Variants in SH3KBP1 observed in about 807,000 individuals in gnomAD.
SH3KBP1 encodes the protein SH3 domain-containing kinase-binding protein 1.
Under a neutral mutation model 50.1 loss-of-function variants are expected in SH3KBP1, and 8 were observed. The ratio of observed to expected loss-of-function variants is 0.16; its 90% CI spans 0.09 to 0.29. The LOEUF (loss-of-function observed/expected upper bound fraction) is 0.29. Ranked by LOEUF, SH3KBP1 falls within the 10% of genes least tolerant of loss-of-function variation. SH3KBP1 has a pLI of 1.00. For missense variants in SH3KBP1, 377 were observed against 535.2 expected, an observed-to-expected ratio of 0.70 and a Z score of 2.92; for synonymous variants, 227 against 218.6, an observed-to-expected ratio of 1.04 and a Z score of -0.34.
chrX:19,631,684 C>T (rs1268226883), intron 8 of SH3KBP1, among the ~76,000 whole-genome samples, 180 bp downstream of exon 8: 5 of 112,255 alleles, frequency 4.5e-5, no homozygotes, highest in Non-Finnish European at 9.4e-5. Context: ...CTCGTCTCAA[C>T]GAATGCATTC....
chrX:19,644,223 T>C (rs182169240), intron 7 of SH3KBP1, among the ~76,000 whole-genome samples: 1 of 111,521 alleles, frequency 9.0e-6, no homozygotes, highest in Non-Finnish European at 1.9e-5. Context: ...GGAAGGGTAG[T>C]TGGGGGCTGG....
intron 2 of SH3KBP1, among the ~76,000 whole-genome samples, chrX:19,809,221 A>C (rs2067136607): frequency 8.9e-6 from 1 of 111,799 alleles, no homozygotes; most frequent in African/African-American, 3.3e-5. Flanking sequence ...AATCACTCCA[A>C]TACACCATTA....
chrX:19,845,878 G>A (rs1204354993), intron 1 of SH3KBP1, among the ~76,000 whole-genome samples: 3 of 111,313 alleles, frequency 2.7e-5, no homozygotes, highest in African/African-American at 9.8e-5. Context: ...CTAAAGTGCT[G>A]GAATTACAGG....
At chrX:19,577,445 C>G in intron 12 of SH3KBP1, among the ~76,000 whole-genome samples, 1 of 111,687 alleles carries the variant, frequency 9.0e-6, no homozygotes, top group East Asian at 2.8e-4. Context: ...TTGCCTCTCT[C>G]AGTTTAAAAG....
rs771984799 is a variant in SH3KBP1 at position 19,567,840 on chromosome X, GAGAGAATGCTAACTTATGACCTTGAT to G, written c.1384+1237_1384+1262del. On this transcript the variant is annotated intron_variant, in intron 13 of 17. Transcript: ENST00000397821. Reference sequence around the variant, plus strand: ...CAGCCTTCTATATTATGTAGAATACGAGAGAATGCTAACTTATGACCTTGATAGGTACAAACAGAAGATGTAAAGCT... The same window carrying G: ...CAGCCTTCTATATTATGTAGAATACGAGGTACAAACAGAAGATGTAAAGCT... 4.6e-5 allele frequency among the ~76,000 whole-genome samples: 5 copies of G among 109,708 alleles called. No homozygotes were observed. The South Asian group carries it at 1.9e-3, about 42-fold the overall frequency.
intron 6 of SH3KBP1, among the ~76,000 whole-genome samples, chrX:19,666,907 G>A (rs1424321285): frequency 8.9e-6 from 1 of 112,276 alleles, no homozygotes; most frequent in Non-Finnish European, 1.9e-5. Flanking sequence ...AATGTACATT[G>A]TAGCATTATT....
At chrX:19,806,106 C>A (rs748256067) in intron 2 of SH3KBP1, among the ~76,000 whole-genome samples, 2 of 111,981 alleles carry the variant, frequency 1.8e-5, no homozygotes, top group African/African-American at 6.5e-5. Context: ...GTCTCCCTCT[C>A]CAGTCATGTA....
intron 2 of SH3KBP1, among the ~76,000 whole-genome samples, chrX:19,790,650 A>T (rs943753920): frequency 1.8e-5 from 2 of 111,606 alleles, no homozygotes; most frequent in African/African-American, 6.5e-5. Context: ...TGTGAAAAAA[A>T]GTCATCTTGG....
chrX:19,667,023 G>A (rs140313361), intron 6 of SH3KBP1, among the ~76,000 whole-genome samples: 1 of 112,131 alleles, frequency 8.9e-6, no homozygotes, highest in Non-Finnish European at 1.9e-5. Context: ...CCTTAAAAAC[G>A]AAAGAAATTC....
intron 1 of SH3KBP1, among the ~76,000 whole-genome samples, chrX:19,847,420 G>A (rs932895015): frequency 3.6e-5 from 4 of 109,821 alleles, no homozygotes; most frequent in African/African-American, 1.4e-4. Flanking sequence ...TTGTCGAGGG[G>A]CAAGAAACTT....
At chrX:19,801,053 A>C (rs1316230691) in intron 2 of SH3KBP1, among the ~76,000 whole-genome samples, 2 of 111,687 alleles carry the variant, frequency 1.8e-5, no homozygotes, top group Admixed American at 1.9e-4. Context: ...CATGGAGCCC[A>C]TTTCCAGCTC....
At chrX:19,605,165 GC>G (rs764427544) in intron 9 of SH3KBP1, among the ~76,000 whole-genome samples, 39 of 107,514 alleles carry the variant, frequency 3.6e-4, no homozygotes, top group African/African-American at 9.1e-4. Context: ...TGAATTTACT[GC>G]CCCCCCCCAA....
At chrX:19,638,060 C>T (rs183356731) in intron 7 of SH3KBP1, among the ~76,000 whole-genome samples, 2 of 106,168 alleles carry the variant, frequency 1.9e-5, no homozygotes, top group East Asian at 5.9e-4. Flanking sequence ...CTAGGCGACA[C>T]AGCAAAATTC....
At chrX:19,871,635 A>G (rs1347796832) in intron 1 of SH3KBP1, among the ~76,000 whole-genome samples, 1 of 111,829 alleles carries the variant, frequency 8.9e-6, no homozygotes, top group African/African-American at 3.3e-5. Context: ...ACTTTCCACA[A>G]TCCTGTCCAT....
chrX:19,652,790 C>T, intron 6 of SH3KBP1, among the ~76,000 whole-genome samples: 1 of 111,457 alleles, frequency 9.0e-6, no homozygotes, highest in Middle Eastern at 4.6e-3. Flanking sequence ...ACATCATCAC[C>T]TCCTCTTCCT....
intron 2 of SH3KBP1, chrX:19,799,514 G>T: frequency 1.4e-6 from 1 of 692,721 alleles, no homozygotes; most frequent in South Asian, 2.2e-5. Flanking sequence ...CATCTTGGAA[G>T]GACTGGCCTG....
At chrX:19,784,508 G>C (rs2066277088) in intron 2 of SH3KBP1, among the ~76,000 whole-genome samples, 2 of 111,813 alleles carry the variant, frequency 1.8e-5, no homozygotes, top group South Asian at 7.4e-4. Context: ...TATCATTTGA[G>C]GGGCAGTGAA....
intron 11 of SH3KBP1, among the ~76,000 whole-genome samples, chrX:19,591,424 T>C (rs1321586945): frequency 1.8e-5 from 2 of 110,935 alleles, no homozygotes; most frequent in Non-Finnish European, 3.8e-5. Flanking sequence ...TCAAACGCGT[T>C]CATAAACCTG....
chrX:19,567,050 G>C lies in SH3KBP1; in HGVS notation c.1384+2053C>G, dbSNP rs774226810. Among the ~76,000 whole-genome samples, 6 of 110,317 alleles carry C rather than the reference G, an allele frequency of 5.4e-5. No homozygotes were observed. In the East Asian group the frequency reaches 1.7e-3, roughly 32 times the overall value. Reference sequence around the variant, plus strand: ...AAAGTGAGTGGCCCAAGCAGATGATGCTGGAAAGCTATCTTCCATGTCAAA... The same window carrying C: ...AAAGTGAGTGGCCCAAGCAGATGATCCTGGAAAGCTATCTTCCATGTCAAA... On this transcript the variant is annotated intron_variant, in intron 13 of 17. Coordinates refer to ENST00000397821, the MANE Select transcript of SH3KBP1 (RefSeq NM_031892.3).
Sources: gnomAD v4.1 joint callset for allele counts (sites outside exome capture counted in the v4.1 genomes callset) on GRCh38, gnomAD v4.1.1 for gene constraint, MANE v1.5 for transcripts, NCBI Gene and HGNC (gene_info 2026-07-23, HGNC 2026-07-21) for gene names.